RAB3GAP2: variants seen among roughly 807,000 people sequenced by gnomAD.
RAB3GAP2 encodes RAB3 GTPase activating non-catalytic protein subunit 2.
Under a neutral mutation model 185.3 loss-of-function variants are expected in RAB3GAP2, and 87 were observed. The ratio of observed to expected loss-of-function variants is 0.47; its 90% confidence interval spans 0.39 to 0.56. RAB3GAP2 has a LOEUF of 0.56. Among genes scored for constraint, RAB3GAP2 ranks in the 20% least tolerant of loss-of-function variants. RAB3GAP2 has a pLI of 0.00. For missense variants in RAB3GAP2, 1,492 were observed against 1,638.2 expected, an observed-to-expected ratio of 0.91 and a Z score of 1.54; for synonymous variants, 554 against 576.1, an observed-to-expected ratio of 0.96 and a Z score of 0.55.
chr1:220,245,094 AAT>A (rs1659774920), intron 1 of RAB3GAP2, among the ~76,000 whole-genome samples: 1 of 152,058 alleles, frequency 6.6e-6, no homozygotes, highest in African/African-American at 2.4e-5. Flanking sequence ...TAGCATCCAG[AAT>A]CTACAAGGAA....
chr1:220,225,187 T>C (rs548608966), intron 2 of RAB3GAP2, among the ~76,000 whole-genome samples: 1 of 152,298 alleles, frequency 6.6e-6, no homozygotes, highest in Admixed American at 6.5e-5. Context: ...CCTAGACAAC[T>C]TGTTGCTCTG....
In RAB3GAP2 at chr1:220,167,710, T is replaced by C. The variant is rs998491388; in HGVS notation, c.2807-35A>G. ...GGAGACAAGAAAGAAAATAAAAATT[T>C]ACAACACACAGGGCAGTGTTTGCCA... On this transcript the variant is annotated intron_variant, in intron 24 of 34. Transcript: ENST00000358951. The C allele has an allele frequency of 3.1e-6, 5 of 1,601,530 alleles. No homozygotes were observed. The African/African-American group carries it at 6.7e-5, about 21-fold the overall frequency.
intron 1 of RAB3GAP2, among the ~76,000 whole-genome samples, chr1:220,258,184 T>A (rs1007175640): frequency 4.6e-5 from 7 of 152,154 alleles, no homozygotes; most frequent in African/African-American, 1.7e-4. Context: ...GTACCATTTC[T>A]ACTGAAACTA....
chr1:220,153,311 C>T lies in RAB3GAP2; in HGVS notation c.3741G>A (p.Gly1247=). The stretch of plus-strand genomic sequence containing the variant: ...CTAGAGCTGGCCAATCTTGGTCTTT[C>T]CCAAAAGGAGTGGGTGTGGCCTCTT... ...PTEEATPTPF[G]KDQDWPALAV... is the part of the protein sequence containing the mutation. The change falls in exon 33 of 35, where the codon GGG becomes GGA. Residue 1247 remains glycine, a synonymous_variant. Transcript: ENST00000358951. 6.2e-7 allele frequency: 1 copy of T among 1,614,174 alleles called. No individual in the cohort carries two copies. Among genetic ancestry groups the T allele is most frequent in the Non-Finnish European group, 8.5e-7 (1 of 1,180,012 alleles).
intron 9 of RAB3GAP2, 137 bp from the exon 10 acceptor site, chr1:220,196,535 C>G: frequency 1.1e-6 from 1 of 922,698 alleles, no homozygotes; most frequent in South Asian, 1.6e-5. Context: ...ACAAAGTCAA[C>G]ATCAGAAAAT....
chr1:220,163,947 TC>T (rs1658015692), intron 27 of RAB3GAP2, among the ~76,000 whole-genome samples: 3 of 151,874 alleles, frequency 2.0e-5, no homozygotes, highest in Admixed American at 6.6e-5. Context: ...TGATATCTCC[TC>T]TTACCCAGCC....
At chr1:220,203,468 A>C (rs1658901920) in intron 8 of RAB3GAP2, among the ~76,000 whole-genome samples, 1 of 152,336 alleles carries the variant, frequency 6.6e-6, no homozygotes. Flanking sequence ...ATTTATGGCT[A>C]AGTAACCAGA....
intron 9 of RAB3GAP2, among the ~76,000 whole-genome samples, chr1:220,201,944 C>T (rs1010419329): frequency 2.0e-5 from 3 of 151,934 alleles, no homozygotes; most frequent in African/African-American, 7.2e-5. Context: ...GAGGCTGAGG[C>T]GGGTGAGGTC....
chr1:220,213,408 G>GA (rs1013139843), intron 3 of RAB3GAP2, among the ~76,000 whole-genome samples: 4 of 151,980 alleles, frequency 2.6e-5, no homozygotes, highest in South Asian at 2.1e-4. Context: ...TATAAGATAT[G>GA]AAAAAAACCT....
intron 2 of RAB3GAP2, among the ~76,000 whole-genome samples, chr1:220,218,739 T>TA (rs1383181071): frequency 9.3e-5 from 13 of 139,724 alleles, no homozygotes; most frequent in African/African-American, 3.3e-4. Flanking sequence ...AAAGTATAAT[T>TA]TAAAAAAAAA....
chr1:220,163,055 C>A (rs888819864), intron 27 of RAB3GAP2, among the ~76,000 whole-genome samples: 1 of 152,132 alleles, frequency 6.6e-6, no homozygotes, highest in African/African-American at 2.4e-5. Context: ...GATAGCATAG[C>A]TTGAGCTCAG....
intron 2 of RAB3GAP2, among the ~76,000 whole-genome samples, chr1:220,222,739 T>A (rs142884114): frequency 4.6e-4 from 70 of 152,286 alleles, no homozygotes; most frequent in African/African-American, 1.7e-3. Flanking sequence ...ATGTTCTTTG[T>A]GCCCATTCAT....
At chr1:220,179,977 C>A (rs1261324473) in intron 21 of RAB3GAP2, among the ~76,000 whole-genome samples, 1 of 152,082 alleles carries the variant, frequency 6.6e-6, no homozygotes, top group Non-Finnish European at 1.5e-5. Context: ...TCCTGGCCAA[C>A]ATTGTGAAAC....
intron 1 of RAB3GAP2, chr1:220,267,301 A>G (rs769292505): frequency 2.1e-6 from 2 of 957,956 alleles, no homozygotes; most frequent in Non-Finnish European, 3.4e-6. Flanking sequence ...AATTAGGTAG[A>G]CTCTGGTGGC....
At chr1:220,162,825 A>G (rs956156792) in intron 27 of RAB3GAP2, among the ~76,000 whole-genome samples, 2 of 152,192 alleles carry the variant, frequency 1.3e-5, no homozygotes, top group African/African-American at 4.8e-5. Flanking sequence ...ACAGCCAAAC[A>G]CTAGAAACAA....
intron 26 of RAB3GAP2, among the ~76,000 whole-genome samples, chr1:220,165,772 A>G (rs1290772516): frequency 6.6e-6 from 1 of 152,208 alleles, no homozygotes; most frequent in Non-Finnish European, 1.5e-5. Context: ...ACCTTTTGAG[A>G]TAACTACTAT....
At chr1:220,253,285 G>C (rs537621892) in intron 1 of RAB3GAP2, among the ~76,000 whole-genome samples, 2 of 152,326 alleles carry the variant, frequency 1.3e-5, no homozygotes, top group African/African-American at 4.8e-5. Context: ...CCAGAATGCA[G>C]CTTCCAGAGG....
chr1:220,208,402 T>C (rs1419088084), intron 7 of RAB3GAP2: 1 of 152,196 alleles, frequency 6.6e-6, no homozygotes, highest in African/African-American at 2.4e-5. Flanking sequence ...CAGTTTTATT[T>C]TCCTACACTC....
At chr1:220,224,648 T>C (rs1344316240) in intron 2 of RAB3GAP2, among the ~76,000 whole-genome samples, 1 of 152,074 alleles carries the variant, frequency 6.6e-6, no homozygotes, top group Non-Finnish European at 1.5e-5. Context: ...AGTAAAAGAA[T>C]TCTTTTTAAA....
Sources: allele counts gnomAD v4.1 joint callset (sites outside exome capture counted in the v4.1 genomes callset), GRCh38; gene constraint gnomAD v4.1.1; transcripts MANE v1.5; gene names NCBI Gene and HGNC (gene_info 2026-07-23, HGNC 2026-07-21).